ST6GALNAC3: variants seen among roughly 807,000 people sequenced by gnomAD.
ST6GALNAC3 encodes the protein alpha-N-acetylgalactosaminide alpha-2,6-sialyltransferase 3.
A neutral mutation model predicts 32.7 loss-of-function variants in ST6GALNAC3; 25 were observed. The ratio of observed to expected loss-of-function variants is 0.76; its 90% CI spans 0.56 to 1.07. The LOEUF (loss-of-function observed/expected upper bound fraction) is 1.07, where lower values mean the gene tolerates loss of function less well. Ranked by LOEUF, ST6GALNAC3 falls within the 50% of genes least tolerant of loss-of-function variation. The pLI is 0.00. For missense variants in ST6GALNAC3, 355 were observed against 382.4 expected (o/e 0.93, Z 0.60); for synonymous variants, 129 against 133.1 (o/e 0.97, Z 0.21).
chr1:76,544,077 A>G (rs1277080964), intron 3 of ST6GALNAC3, among the ~76,000 whole-genome samples: 2 of 42,782 alleles, frequency 4.7e-5, no homozygotes, highest in East Asian at 4.3e-3. Context: ...AATTAATTAC[A>G]TTTATATATA....
chr1:76,231,860 TG>T (rs1359451513), intron 1 of ST6GALNAC3, among the ~76,000 whole-genome samples: 1 of 152,244 alleles, frequency 6.6e-6, no homozygotes, highest in Admixed American at 6.5e-5. Context: ...TTCCCAGAAG[TG>T]GAATTGCCAG....
chr1:76,467,559 T>G (rs1186663967), intron 3 of ST6GALNAC3, among the ~76,000 whole-genome samples: 1 of 151,930 alleles, frequency 6.6e-6, no homozygotes, highest in East Asian at 1.9e-4. Context: ...AATATTAATA[T>G]TAATCTGATT....
chr1:76,366,047 GTTTAC>G (rs1476832193), intron 2 of ST6GALNAC3, among the ~76,000 whole-genome samples: 1 of 151,988 alleles, frequency 6.6e-6, no homozygotes, highest in African/African-American at 2.4e-5. Flanking sequence ...TCTTTTCTTT[GTTTAC>G]TTTAGATGAT....
At chr1:76,252,581 C>A (rs1467583337) in intron 1 of ST6GALNAC3, among the ~76,000 whole-genome samples, 1 of 151,778 alleles carries the variant, frequency 6.6e-6, no homozygotes, top group Admixed American at 6.6e-5. Context: ...GGGCTGGGGA[C>A]CAAGCTCTCA....
chr1:76,270,378 G>A (rs1337182591), intron 1 of ST6GALNAC3, among the ~76,000 whole-genome samples: 4 of 151,892 alleles, frequency 2.6e-5, no homozygotes, highest in African/African-American at 9.7e-5. Flanking sequence ...ATGGTGGCAG[G>A]TGCCTGTAAT....
At chr1:76,575,118 A>G (rs1646779842) in intron 3 of ST6GALNAC3, among the ~76,000 whole-genome samples, 1 of 152,182 alleles carries the variant, frequency 6.6e-6, no homozygotes, top group Non-Finnish European at 1.5e-5. Context: ...CCAGTGATGA[A>G]ATGTGTTGGT....
chr1:76,178,308 C>G (rs1652970594), intron 1 of ST6GALNAC3, among the ~76,000 whole-genome samples: 1 of 152,066 alleles, frequency 6.6e-6, no homozygotes, highest in South Asian at 2.1e-4. Flanking sequence ...TTCACTAGAC[C>G]CAAGGGCATG....
At chr1:76,216,672 T>C (rs1244839113) in intron 1 of ST6GALNAC3, among the ~76,000 whole-genome samples, 2 of 152,238 alleles carry the variant, frequency 1.3e-5, no homozygotes, top group Non-Finnish European at 2.9e-5. Context: ...CTTTATTCAT[T>C]GGTCAGCAGT....
At chr1:76,554,660 A>G (rs1448412936) in intron 3 of ST6GALNAC3, among the ~76,000 whole-genome samples, 1 of 152,150 alleles carries the variant, frequency 6.6e-6, no homozygotes, top group Non-Finnish European at 1.5e-5. Flanking sequence ...CTAAGCATTT[A>G]TACTTATCAG....
intron 1 of ST6GALNAC3, among the ~76,000 whole-genome samples, chr1:76,130,901 T>G (rs1649566708): frequency 6.6e-6 from 1 of 152,246 alleles, no homozygotes; most frequent in Admixed American, 6.5e-5. Context: ...TGAAGTTTCA[T>G]GCAGGCTCCA....
chr1:76,342,820 A>G (rs946111723), intron 2 of ST6GALNAC3, among the ~76,000 whole-genome samples: 1 of 151,758 alleles, frequency 6.6e-6, no homozygotes, highest in Admixed American at 6.6e-5. Flanking sequence ...ATCTCTGATG[A>G]TTAGCAATGT....
At chr1:76,179,171 G>A (rs910769331) in intron 1 of ST6GALNAC3, among the ~76,000 whole-genome samples, 4 of 152,198 alleles carry the variant, frequency 2.6e-5, no homozygotes, top group African/African-American at 7.2e-5. Flanking sequence ...ACACAAGATG[G>A]GTCGGAATTG....
chr1:76,371,680 CT>C (rs1485174594), intron 2 of ST6GALNAC3, among the ~76,000 whole-genome samples: 2 of 152,168 alleles, frequency 1.3e-5, no homozygotes, highest in African/African-American at 4.8e-5. Flanking sequence ...TATATTATAA[CT>C]TTTGAATGAC....
At chr1:76,597,157 G>A (rs1176613740) in intron 3 of ST6GALNAC3, among the ~76,000 whole-genome samples, 1 of 152,142 alleles carries the variant, frequency 6.6e-6, no homozygotes, top group African/African-American at 2.4e-5. Context: ...CTCTCATCCA[G>A]AACTTTTGGA....
chr1:76,221,910 G>T (rs1655794582), intron 1 of ST6GALNAC3, among the ~76,000 whole-genome samples: 1 of 152,034 alleles, frequency 6.6e-6, no homozygotes, highest in Non-Finnish European at 1.5e-5. Context: ...TTATTATCCA[G>T]GTCTTGGCGT....
At chr1:76,554,668 C>A (rs2100386930) in intron 3 of ST6GALNAC3, among the ~76,000 whole-genome samples, 1 of 152,168 alleles carries the variant, frequency 6.6e-6, no homozygotes, top group African/African-American at 2.4e-5. Context: ...TTATACTTAT[C>A]AGAAGAAAGT....
chr1:76,107,389 G>T (rs1647610480), intron 1 of ST6GALNAC3, among the ~76,000 whole-genome samples: 1 of 151,114 alleles, frequency 6.6e-6, no homozygotes. Context: ...TGGCTCTGAA[G>T]AGTTAAATAA....
At chr1:76,117,662 T>C (rs1648571359) in intron 1 of ST6GALNAC3, among the ~76,000 whole-genome samples, 3 of 152,286 alleles carry the variant, frequency 2.0e-5, no homozygotes, top group African/African-American at 7.2e-5. Flanking sequence ...ACTGCTGAGC[T>C]TTGAGAAGGT....
intron 2 of ST6GALNAC3, among the ~76,000 whole-genome samples, chr1:76,409,987 A>C (rs938153524): frequency 1.3e-5 from 2 of 152,132 alleles, no homozygotes; most frequent in African/African-American, 4.8e-5. Flanking sequence ...TTTGCTACTC[A>C]ACATGGTCCA....
Sources: gnomAD v4.1 joint callset for allele counts (sites outside exome capture counted in the v4.1 genomes callset) on GRCh38, gnomAD v4.1.1 for gene constraint, MANE v1.5 for transcripts, NCBI Gene and HGNC (gene_info 2026-07-23, HGNC 2026-07-21) for gene names.